The following GPC6 variants were observed in gnomAD, a reference collection of about 807,000 sequenced individuals.
GPC6 encodes the protein glypican 6.
GPC6 carries 14 observed loss-of-function variants against 55.2 expected under a neutral mutation model. The observed-to-expected ratio is 0.25, with a 90% CI of 0.17 to 0.40. The LOEUF (loss-of-function observed/expected upper bound fraction) is 0.40. GPC6 is among the 10% of genes least tolerant of loss of function. The probability of loss-of-function intolerance (pLI) is 1.00; values close to 1 mark genes in which losing one functional copy is unlikely to be tolerated. For synonymous variants in GPC6, 278 were observed against 259.6 expected (o/e 1.07, Z -0.68); for missense variants, 641 against 708.5 (o/e 0.90, Z 1.08).
chr13:93,561,404 GAT>G (rs66957373), intron 2 of GPC6, among the ~76,000 whole-genome samples: 42,258 of 104,528 alleles, frequency 0.4, 9,785 homozygotes, highest in Middle Eastern at 0.57. Context: ...TATCCCTATC[GAT>G]ATATATATAT....
the GPC6 span, among the ~76,000 whole-genome samples, chr13:93,219,806 G>GT: frequency 1.3e-5 from 2 of 151,384 alleles, no homozygotes; most frequent in African/African-American, 2.4e-5. Context: ...AAAATTTCTT[G>GT]TTTTTTTTCT....
chr13:93,459,796 T>C (rs1878611870), intron 1 of GPC6, among the ~76,000 whole-genome samples: 3 of 152,238 alleles, frequency 2.0e-5, no homozygotes, highest in Admixed American at 1.3e-4. Flanking sequence ...TTTAGCTTTA[T>C]AATTTTAGAA....
chr13:94,194,918 T>C (rs1889520615), intron 4 of GPC6, among the ~76,000 whole-genome samples: 1 of 152,054 alleles, frequency 6.6e-6, no homozygotes, highest in African/African-American at 2.4e-5. Context: ...TATGAGTATG[T>C]ATTTATGTGT....
chr13:93,806,028 A>G (rs935061803), intron 2 of GPC6, among the ~76,000 whole-genome samples: 2 of 152,034 alleles, frequency 1.3e-5, no homozygotes, highest in Non-Finnish European at 2.9e-5. Context: ...GGCTCTTTCA[A>G]TTTTCTCTTT....
chr13:93,274,505 T>C (rs906847203), intron 1 of GPC6, among the ~76,000 whole-genome samples: 1 of 152,224 alleles, frequency 6.6e-6, no homozygotes, highest in African/African-American at 2.4e-5. Context: ...CTAAAACATT[T>C]ACAGTATTGC....
intron 4 of GPC6, among the ~76,000 whole-genome samples, chr13:94,101,978 T>G (rs1169094292): frequency 6.6e-6 from 1 of 152,244 alleles, no homozygotes; most frequent in East Asian, 1.9e-4. Context: ...AATGAGCAAT[T>G]ATCAAATGGT....
At chr13:93,659,723 G>A (rs768101563) in intron 2 of GPC6, among the ~76,000 whole-genome samples, 5 of 151,930 alleles carry the variant, frequency 3.3e-5, no homozygotes, top group Non-Finnish European at 7.4e-5. Context: ...TTGAGGCACA[G>A]AGATATTAAG....
At chr13:94,393,019 C>T (rs990445288) in intron 7 of GPC6, among the ~76,000 whole-genome samples, 2 of 152,166 alleles carry the variant, frequency 1.3e-5, no homozygotes, top group South Asian at 4.1e-4. Context: ...ACATTTTTAC[C>T]AACACTTGTT....
chr13:93,885,058 G>A (rs945249885), intron 3 of GPC6, among the ~76,000 whole-genome samples: 3 of 151,974 alleles, frequency 2.0e-5, no homozygotes, highest in African/African-American at 7.2e-5. Context: ...TGCTGGGTGG[G>A]CATTGAGAGA....
intron 1 of GPC6, among the ~76,000 whole-genome samples, chr13:93,229,279 A>G (rs946188012): frequency 1.1e-4 from 16 of 151,982 alleles, no homozygotes; most frequent in African/African-American, 3.4e-4. Context: ...AGGGAATTCA[A>G]CTTTTTAAAA....
At chr13:93,924,710 T>C (rs189697306) in intron 3 of GPC6, among the ~76,000 whole-genome samples, 146 of 150,978 alleles carry the variant, frequency 9.7e-4, no homozygotes, top group Non-Finnish European at 1.6e-3. Context: ...TTTTTTTTTT[T>C]TTGGTAACAA....
intron 4 of GPC6, among the ~76,000 whole-genome samples, chr13:94,082,053 C>G (rs751328701): frequency 6.6e-6 from 1 of 151,966 alleles, no homozygotes; most frequent in Non-Finnish European, 1.5e-5. Context: ...ATTGGTCAGG[C>G]TGTTCTTGAA....
intron 1 of GPC6, among the ~76,000 whole-genome samples, chr13:93,504,649 G>T (rs1007512181): frequency 6.6e-6 from 1 of 151,398 alleles, no homozygotes; most frequent in Non-Finnish European, 1.5e-5. Flanking sequence ...ATAGCTGGAG[G>T]GAAGGATAAA....
At chr13:93,909,718 G>GA (rs34236022) in intron 3 of GPC6, among the ~76,000 whole-genome samples, 2 of 151,338 alleles carry the variant, frequency 1.3e-5, no homozygotes, top group Non-Finnish European at 2.9e-5. Flanking sequence ...AGGATTTTAG[G>GA]AAAAAAAAAA....
rs114084124 is a variant in GPC6, at chr13:94,405,422, G to A, written c.*2205G>A. 39 of 152,146 alleles carry A rather than the reference G, an allele frequency of 2.6e-4. No individual in the cohort carries two copies. Among genetic ancestry groups the A allele is most frequent in the African/African-American group, 9.4e-4 (39 of 41,518 alleles). The allele number at this position is 152,146 out of a possible 1,614,324, so 9.4% of individuals were successfully genotyped here. A position where few individuals can be genotyped will look rare whatever the true frequency, so the allele number is the denominator to read the frequency against. On this transcript the variant is annotated 3_prime_UTR_variant, in exon 9 of 9. Coordinates refer to ENST00000377047, the MANE Select transcript of GPC6 (RefSeq NM_005708.5). ...AGTATTGTCTTTCTCCAATAATTAA[G>A]GTGCAATACAAATTAAATCAACCTT...
intron 3 of GPC6, among the ~76,000 whole-genome samples, chr13:94,000,917 G>A (rs1458389365): frequency 2.0e-5 from 3 of 152,118 alleles, no homozygotes; most frequent in African/African-American, 7.2e-5. Context: ...AGCACCTGCT[G>A]GAGCTTGCAT....
At chr13:93,242,217 G>A (rs886703832) in intron 1 of GPC6, among the ~76,000 whole-genome samples, 1 of 152,148 alleles carries the variant, frequency 6.6e-6, no homozygotes, top group Non-Finnish European at 1.5e-5. Context: ...TCCCAGCCCT[G>A]ATGGATGTAG....
In GPC6 at chr13:93,601,411, A is replaced by G. The variant is rs1037637178; in HGVS notation, c.319+55990A>G. 3.9e-5 allele frequency among the ~76,000 whole-genome samples: 6 copies of G among 152,022 alleles called. No homozygotes were observed. The East Asian group carries it at 9.6e-4, about 24-fold the overall frequency. ...ATAATAGTAATAATAATAATAATAA[A>G]AACATGGGCATTAAGTATATATGGA... On this transcript the variant is annotated intron_variant, in intron 2 of 8. Transcript: ENST00000377047.
chr13:93,972,927 GTC>G (rs577057713), intron 3 of GPC6, among the ~76,000 whole-genome samples: 46 of 136,090 alleles, frequency 3.4e-4, no homozygotes, highest in Middle Eastern at 3.9e-3. Flanking sequence ...CTGTCTCTCT[GTC>G]TCTCTCTCTC....
Sources: gnomAD v4.1 joint callset for allele counts (sites outside exome capture counted in the v4.1 genomes callset) on GRCh38, gnomAD v4.1.1 for gene constraint, MANE v1.5 for transcripts, NCBI Gene and HGNC (gene_info 2026-07-23, HGNC 2026-07-21) for gene names.